RAB9A: variants seen among roughly 807,000 people sequenced by gnomAD.
RAB9A encodes the protein RAB9A, member RAS oncogene family.
A neutral mutation model predicts 10.3 loss-of-function variants in RAB9A; 1 was observed. The ratio of observed to expected loss-of-function variants is 0.10; its 90% CI spans 0.03 to 0.46. The LOEUF (loss-of-function observed/expected upper bound fraction) is 0.46. Among genes scored for constraint, RAB9A ranks in the 20% least tolerant of loss-of-function variants. The pLI is 0.96. For synonymous variants in RAB9A, 39 were observed against 55.2 expected, an observed-to-expected ratio of 0.71 and a Z score of 1.30; for missense variants, 92 against 150.3, an observed-to-expected ratio of 0.61 and a Z score of 2.03.
intron 1 of RAB9A, among the ~76,000 whole-genome samples, chrX:13,689,590 G>C (rs976668798): frequency 9.0e-6 from 1 of 111,723 alleles, no homozygotes; most frequent in African/African-American, 3.3e-5. Flanking sequence ...AAATACACCC[G>C]GTCACCTGGG....
intron 1 of RAB9A, among the ~76,000 whole-genome samples, chrX:13,691,455 T>A (rs1402079863): frequency 9.1e-6 from 1 of 109,525 alleles, no homozygotes; most frequent in Non-Finnish European, 1.9e-5. Context: ...AGGTCAGGAG[T>A]TTGAAACCAG....
intron 1 of RAB9A, among the ~76,000 whole-genome samples, chrX:13,699,227 T>C (rs1341908374): frequency 8.9e-6 from 1 of 112,102 alleles, no homozygotes; most frequent in African/African-American, 3.2e-5. Context: ...TCAATGTTTT[T>C]GTTCCTACCC....
intron 1 of RAB9A, among the ~76,000 whole-genome samples, chrX:13,696,783 T>C (rs145967751): frequency 0.013 from 1,485 of 111,737 alleles, 21 homozygotes; most frequent in African/African-American, 0.046. Flanking sequence ...TGCAGGCACA[T>C]TGAGAAATGG....
At position 13,710,204 on chromosome X, in the gene RAB9A, G is replaced by C. The variant is rs2046215683; in HGVS notation, c.*852G>C. 1 of 123,908 alleles carries C rather than the reference G, an allele frequency of 8.1e-6. No individual in the cohort carries two copies. The highest frequency in any genetic ancestry group is 1.9e-5 in the Non-Finnish European group (1 of 53,380). The allele number at this position is 123,908 out of a possible 1,213,427, so 10.2% of individuals were successfully genotyped here. On this transcript the variant is annotated 3_prime_UTR_variant, in exon 3 of 3. Coordinates refer to ENST00000464506, the MANE Select transcript of RAB9A (RefSeq NM_004251.5). ...ATACAAAATTACAATTCGATTAATG[G>C]ACTAAATATTTTTGTTACTTTCTTG...
intron 1 of RAB9A, among the ~76,000 whole-genome samples, chrX:13,690,604 C>CT (rs761882873): frequency 2.7e-5 from 3 of 111,703 alleles, no homozygotes; most frequent in Non-Finnish European, 5.6e-5. Context: ...TCTCTCATCT[C>CT]TTTTTGTTTC....
At position 13,709,229 on chromosome X, in the gene RAB9A, G is replaced by C. The variant is rs1374788215; in HGVS notation, c.483G>C (p.Val161=). ...CAAGTGCAAAAGATGCCACAAATGT[G>C]GCAGCAGCCTTTGAGGAAGCGGTTC... ...FETSAKDATN[V]AAAFEEAVRR... Residue 161 remains valine, a synonymous_variant, in exon 3 of 3, where the codon GTG becomes GTC. Transcript: ENST00000464506. 2 of 1,211,692 alleles carry C rather than the reference G, an allele frequency of 1.7e-6. No individual in the cohort carries two copies.
chrX:13,697,055 C>G (rs1280352264), intron 1 of RAB9A, among the ~76,000 whole-genome samples: 1 of 111,248 alleles, frequency 9.0e-6, no homozygotes, highest in African/African-American at 3.3e-5. Context: ...TTAGGAAATC[C>G]TCACTCCTTG....
At chrX:13,692,097 G>T (rs1045645870) in intron 1 of RAB9A, among the ~76,000 whole-genome samples, 2 of 110,071 alleles carry the variant, frequency 1.8e-5, no homozygotes, top group African/African-American at 6.6e-5. Flanking sequence ...GAGCCCAGAA[G>T]TTTGAGACCA....
At chrX:13,695,284 T>A (rs1197884556) in intron 1 of RAB9A, among the ~76,000 whole-genome samples, 2 of 112,477 alleles carry the variant, frequency 1.8e-5, no homozygotes, top group Non-Finnish European at 3.8e-5. Context: ...CTACAGTTGT[T>A]CTTTCTTGGT....
At chrX:13,702,917 C>G (rs2046180609) in intron 1 of RAB9A, among the ~76,000 whole-genome samples, 1 of 112,058 alleles carries the variant, frequency 8.9e-6, no homozygotes, top group Non-Finnish European at 1.9e-5. Context: ...TTGAAAAATT[C>G]CTTTCCCAAT....
intron 2 of RAB9A, among the ~76,000 whole-genome samples, chrX:13,707,437 C>G (rs1602700275): frequency 9.0e-6 from 1 of 111,351 alleles, no homozygotes; most frequent in Non-Finnish European, 1.9e-5. Context: ...TTGTATTGTA[C>G]TCATTATATA....
At chrX:13,691,234 C>T (rs903434488) in intron 1 of RAB9A, among the ~76,000 whole-genome samples, 7 of 111,712 alleles carry the variant, frequency 6.3e-5, no homozygotes, top group Non-Finnish European at 1.3e-4. Context: ...GTCCAAGTAA[C>T]CCCAGAGCTT....
intron 2 of RAB9A, among the ~76,000 whole-genome samples, chrX:13,704,618 C>CT (rs202238921): frequency 0.29 from 27,976 of 95,663 alleles, 3,567 homozygotes; most frequent in South Asian, 0.49. Flanking sequence ...TTCTTTCTTT[C>CT]TTTTTTTTTT....
chrX:13,699,573 T>C (rs1158881596), intron 1 of RAB9A, among the ~76,000 whole-genome samples: 4 of 111,805 alleles, frequency 3.6e-5, no homozygotes, highest in South Asian at 3.7e-4. Context: ...GAGGTGGAAA[T>C]GATGAGAGCA....
At position 13,704,755 on chromosome X, in the gene RAB9A, C is replaced by T. The variant is rs780086908; in HGVS notation, c.-27+853C>T. 2.7e-5 allele frequency among the ~76,000 whole-genome samples: 3 copies of T among 110,392 alleles called. No individual in the cohort carries two copies. In the South Asian group the frequency reaches 1.2e-3, roughly 43 times the overall value. On this transcript the variant is annotated intron_variant, in intron 2 of 2. Transcript: ENST00000464506. ...TCCGCCTCCTGAGTAGCTGGGATTA[C>T]AGGCATGTGCTACCACGCCCGGCTA...
At chrX:13,703,414 G>C (rs1295633702) in intron 1 of RAB9A, among the ~76,000 whole-genome samples, 1 of 112,535 alleles carries the variant, frequency 8.9e-6, no homozygotes, top group Non-Finnish European at 1.9e-5. Context: ...CTCAAGGCTA[G>C]CTGCTGTTGT....
chrX:13,698,165 A>T (rs1373648612), intron 1 of RAB9A, among the ~76,000 whole-genome samples: 1 of 98,900 alleles, frequency 1.0e-5, no homozygotes, highest in Non-Finnish European at 2.0e-5. Context: ...TAGTTCCTTA[A>T]CTAAGTCTTC....
intron 1 of RAB9A, among the ~76,000 whole-genome samples, chrX:13,690,579 A>G (rs764290499): frequency 1.3e-4 from 15 of 111,576 alleles, no homozygotes; most frequent in Non-Finnish European, 2.4e-4. Context: ...TAGTGCTATC[A>G]CTTCTTTTCC....
intron 2 of RAB9A, among the ~76,000 whole-genome samples, chrX:13,706,983 A>G (rs1275166034): frequency 8.9e-6 from 1 of 112,193 alleles, no homozygotes; most frequent in Non-Finnish European, 1.9e-5. Context: ...ATTATTGTTC[A>G]TGTCTTTATT....
Sources: gnomAD v4.1 joint callset for allele counts (sites outside exome capture counted in the v4.1 genomes callset) on GRCh38, gnomAD v4.1.1 for gene constraint, MANE v1.5 for transcripts, NCBI Gene and HGNC (gene_info 2026-07-23, HGNC 2026-07-21) for gene names.